ATP8A2: variants seen among roughly 807,000 people sequenced by gnomAD.
ATP8A2 encodes the protein ATPase phospholipid transporting 8A2, also known as phospholipid-transporting ATPase IB.
Under a neutral mutation model 165.6 loss-of-function variants are expected in ATP8A2, and 100 were observed. The ratio of observed to expected loss-of-function variants is 0.60; its 90% CI spans 0.51 to 0.71. The LOEUF (loss-of-function observed/expected upper bound fraction) is 0.71. Ranked by LOEUF, ATP8A2 falls within the 30% of genes least tolerant of loss-of-function variation. The pLI is 0.00. For missense variants in ATP8A2, 1,227 were observed against 1,479.5 expected, an observed-to-expected ratio of 0.83 and a Z score of 2.80; for synonymous variants, 543 against 548.8, an observed-to-expected ratio of 0.99 and a Z score of 0.15.
At chr13:25,959,275 C>G (rs553399866) in intron 33 of ATP8A2, among the ~76,000 whole-genome samples, 1 of 152,300 alleles carries the variant, frequency 6.6e-6, no homozygotes, top group East Asian at 1.9e-4. Flanking sequence ...AATGGAGATA[C>G]ACAAAGAGAT....
chr13:25,465,734 TCTTTCCCTCCCTCCCTCTCTCTCTC>T (rs1566153547), intron 1 of ATP8A2, among the ~76,000 whole-genome samples: 82 of 51,802 alleles, frequency 1.6e-3, no homozygotes, highest in East Asian at 4.1e-3. Flanking sequence ...TTTCTTTCTT[TCTTTCCCTCCCTCCCTCTCTCTCTC>T]TCTTTCTCTC....
chr13:25,982,230 C>T (rs1956184231), intron 35 of ATP8A2, among the ~76,000 whole-genome samples: 1 of 152,204 alleles, frequency 6.6e-6, no homozygotes. Context: ...ACACTTTTGT[C>T]ATATGGAACT....
intron 13 of ATP8A2, among the ~76,000 whole-genome samples, chr13:25,557,952 G>T (rs1379604373): frequency 1.3e-5 from 2 of 151,936 alleles, no homozygotes; most frequent in African/African-American, 4.8e-5. Context: ...CACCCAGGCT[G>T]GATTGCAATG....
At chr13:25,771,496 T>C (rs2044618409) in intron 26 of ATP8A2, among the ~76,000 whole-genome samples, 1 of 152,218 alleles carries the variant, frequency 6.6e-6, no homozygotes, top group African/African-American at 2.4e-5. Flanking sequence ...TTCTTTAAAA[T>C]GTCTAGGGAA....
chr13:25,677,732 A>G (rs771286244), intron 24 of ATP8A2, among the ~76,000 whole-genome samples: 17 of 152,204 alleles, frequency 1.1e-4, no homozygotes, highest in African/African-American at 2.9e-4. Flanking sequence ...CTGTCTTCTC[A>G]TGGTCTTCAG....
At chr13:25,652,240 C>T (rs2041830287) in intron 24 of ATP8A2, among the ~76,000 whole-genome samples, 2 of 152,168 alleles carry the variant, frequency 1.3e-5, no homozygotes, top group African/African-American at 4.8e-5. Flanking sequence ...TTGGAAACCA[C>T]TGATTTAAAT....
chr13:25,458,803 C>G (rs2035430522), intron 1 of ATP8A2, among the ~76,000 whole-genome samples: 2 of 152,208 alleles, frequency 1.3e-5, no homozygotes, highest in Non-Finnish European at 2.9e-5. Flanking sequence ...GAACTGCCTA[C>G]TTGTGCTTCC....
intron 33 of ATP8A2, among the ~76,000 whole-genome samples, chr13:25,914,193 G>A (rs997234836): frequency 1.3e-5 from 2 of 152,014 alleles, no homozygotes; most frequent in Non-Finnish European, 2.9e-5. Flanking sequence ...CCATTTAAGT[G>A]TGTTTTTCCT....
intron 4 of ATP8A2, among the ~76,000 whole-genome samples, chr13:25,531,317 TTA>T (rs1310162230): frequency 8.0e-6 from 1 of 124,744 alleles, no homozygotes; most frequent in African/African-American, 3.3e-5. Flanking sequence ...GATATATATG[TTA>T]TATATGATAT....
intron 24 of ATP8A2, among the ~76,000 whole-genome samples, chr13:25,648,436 CAGGTGGATCACA>C (rs1007240631): frequency 6.6e-6 from 1 of 152,108 alleles, no homozygotes; most frequent in Admixed American, 6.6e-5. Context: ...GAGGTCGAGG[CAGGTGGATCACA>C]AGGTCAAGAG....
At chr13:25,600,069 A>C (rs1475378311) in intron 24 of ATP8A2, among the ~76,000 whole-genome samples, 6 of 152,172 alleles carry the variant, frequency 3.9e-5, no homozygotes, top group Non-Finnish European at 7.4e-5. Context: ...TAAGTTATGG[A>C]GTTTGCTAAC....
intron 2 of ATP8A2, among the ~76,000 whole-genome samples, chr13:25,510,136 C>A (rs2137759440): frequency 6.6e-6 from 1 of 152,032 alleles, no homozygotes; most frequent in Admixed American, 6.6e-5. Flanking sequence ...TTCTTTCTCT[C>A]TCTGACTCCC....
intron 25 of ATP8A2, among the ~76,000 whole-genome samples, chr13:25,738,344 C>G (rs868655526): frequency 3.0e-4 from 37 of 121,754 alleles, no homozygotes; most frequent in Admixed American, 2.7e-3. Flanking sequence ...CCCCCCTCCC[C>G]CCCCCCCACA....
intron 25 of ATP8A2, among the ~76,000 whole-genome samples, chr13:25,699,670 C>G (rs753858757): frequency 1.4e-4 from 22 of 152,178 alleles, no homozygotes; most frequent in South Asian, 4.1e-4. Context: ...CAACCTACTG[C>G]ACATGTCTGA....
At chr13:25,567,978 A>G (rs537312194) in intron 16 of ATP8A2, among the ~76,000 whole-genome samples, 20 of 152,338 alleles carry the variant, frequency 1.3e-4, no homozygotes, top group Non-Finnish European at 2.4e-4. Flanking sequence ...CATGCCCCAC[A>G]TTCTCATCTA....
At chr13:25,433,025 G>A (rs552844526) in intron 1 of ATP8A2, among the ~76,000 whole-genome samples, 1 of 152,286 alleles carries the variant, frequency 6.6e-6, no homozygotes, top group South Asian at 2.1e-4. Context: ...AGAAATCTGA[G>A]TTAGTCTGTA....
At chr13:25,902,642 T>A (rs1447235694) in intron 33 of ATP8A2, among the ~76,000 whole-genome samples, 2 of 151,554 alleles carry the variant, frequency 1.3e-5, no homozygotes, top group Admixed American at 1.3e-4. Flanking sequence ...TGTGTGTGCA[T>A]GTGCAGGCAT....
chr13:25,612,065 T>C (rs1174296879), intron 24 of ATP8A2, among the ~76,000 whole-genome samples: 1 of 152,174 alleles, frequency 6.6e-6, no homozygotes, highest in East Asian at 1.9e-4. Flanking sequence ...CTATCAATTT[T>C]ATTTATCTTT....
intron 24 of ATP8A2, among the ~76,000 whole-genome samples, chr13:25,625,205 G>GC (rs1358424831): frequency 6.6e-6 from 1 of 152,184 alleles, no homozygotes; most frequent in Non-Finnish European, 1.5e-5. Flanking sequence ...TCAAGTTTGA[G>GC]CCCCGTAATC....
Sources: gnomAD v4.1 joint callset for allele counts (sites outside exome capture counted in the v4.1 genomes callset) on GRCh38, gnomAD v4.1.1 for gene constraint, MANE v1.5 for transcripts, NCBI Gene and HGNC (gene_info 2026-07-23, HGNC 2026-07-21) for gene names.